Variants in TBX15 observed in about 807,000 individuals in gnomAD.
The protein encoded by TBX15 is T-box transcription factor 15, also known as T-box transcription factor TBX15.
A neutral mutation model predicts 53.9 loss-of-function variants in TBX15; 18 were observed. The ratio of observed to expected loss-of-function variants is 0.33; its 90% confidence interval spans 0.23 to 0.49. The LOEUF (loss-of-function observed/expected upper bound fraction) is 0.49, where lower values mean the gene tolerates loss of function less well. Among genes scored for constraint, TBX15 ranks in the 20% least tolerant of loss-of-function variants. The probability of loss-of-function intolerance (pLI) is 0.98; values close to 1 mark genes in which losing one functional copy is unlikely to be tolerated. For missense variants in TBX15, 692 were observed against 749.5 expected (o/e 0.92, Z 0.90); for synonymous variants, 295 against 278.0 (o/e 1.06, Z -0.61).
intron 1 of TBX15, among the ~76,000 whole-genome samples, chr1:118,971,603 A>T (rs1657237793): frequency 6.6e-6 from 1 of 152,262 alleles, no homozygotes; most frequent in South Asian, 2.1e-4. Context: ...GTTGGATGTC[A>T]TAAGAAAGGT....
intron 5 of TBX15, among the ~76,000 whole-genome samples, chr1:118,917,412 C>T (rs1464791660): frequency 1.3e-5 from 2 of 152,056 alleles, no homozygotes; most frequent in Non-Finnish European, 2.9e-5. Flanking sequence ...ACACTGAGGC[C>T]TGTCAGGGAG....
At chr1:118,930,936 T>C (rs937813594) in intron 2 of TBX15, among the ~76,000 whole-genome samples, 6 of 152,320 alleles carry the variant, frequency 3.9e-5, no homozygotes, top group East Asian at 3.9e-4. Flanking sequence ...TCCAACCTCA[T>C]AGGGTTCCTG....
chr1:118,961,639 G>A (rs1656876134), intron 1 of TBX15, among the ~76,000 whole-genome samples: 1 of 152,118 alleles, frequency 6.6e-6, no homozygotes. Context: ...GAATCCTGAG[G>A]CCTAGGGAAG....
At chr1:118,964,908 C>G (rs1295157555) in intron 1 of TBX15, among the ~76,000 whole-genome samples, 1 of 152,232 alleles carries the variant, frequency 6.6e-6, no homozygotes, top group Non-Finnish European at 1.5e-5. Context: ...CCTCTCACCC[C>G]CAACTGCAAG....
chr1:118,987,582 C>A lies in TBX15; in HGVS notation c.205+9G>T. ...GCCCGCCTCCCGCGGTCGGCTGCGA[C>A]GCACTCACCCGGGTGAGGCTCCAGG... On this transcript the variant is annotated intron_variant, in intron 1 of 7. Coordinates refer to ENST00000369429, the MANE Select transcript of TBX15 (RefSeq NM_001330677.2). The A allele has an allele frequency of 1.3e-6, 2 of 1,542,574 alleles. No individual in the cohort carries two copies. Among genetic ancestry groups the A allele is most frequent in the South Asian group, 2.4e-5 (2 of 83,868 alleles).
At position 118,892,163 on chromosome 1, in the gene TBX15, T is replaced by A. The variant is rs577246547; in HGVS notation, c.1025-6647A>T. ...TAGACATCTAGCTCTGTAAAAAAAA[T>A]ATCTAATAAGATAGTGACTTTACTT... On this transcript the variant is annotated intron_variant, in intron 7 of 7. Coordinates refer to ENST00000369429, the MANE Select transcript of TBX15 (RefSeq NM_001330677.2). Among the ~76,000 whole-genome samples the A allele has an allele frequency of 4.3e-3, 649 of 151,004 alleles. 4 individuals carry two copies. The highest frequency in any genetic ancestry group is 6.5e-3 in the Non-Finnish European group (440 of 67,816).
intron 1 of TBX15, among the ~76,000 whole-genome samples, chr1:118,981,580 C>T (rs1182714080): frequency 6.6e-6 from 1 of 152,204 alleles, no homozygotes; most frequent in East Asian, 1.9e-4. Context: ...GTATCAAAAG[C>T]TCATCATCAG....
chr1:118,906,635 A>C (rs1654839896), intron 6 of TBX15, among the ~76,000 whole-genome samples: 1 of 151,904 alleles, frequency 6.6e-6, no homozygotes, highest in East Asian at 1.9e-4. Context: ...TATTTTCTCC[A>C]CCTCCCCTAG....
chr1:118,920,913 A>T (rs1658599812), intron 5 of TBX15, among the ~76,000 whole-genome samples: 1 of 152,154 alleles, frequency 6.6e-6, no homozygotes, highest in Non-Finnish European at 1.5e-5. Context: ...TAACAATGCT[A>T]CTAATAACCC....
rs375478754 is a variant in TBX15 at position 118,884,895 on chromosome 1, T to C, written c.1646A>G (p.Asn549Ser). 9 of 1,614,026 alleles carry C rather than the reference T, an allele frequency of 5.6e-6. No homozygotes were observed. The highest frequency in any genetic ancestry group is 1.1e-5 in the South Asian group (1 of 91,084). ...QSTLLCSSPS[N>S]GAFGERQYLP... is the part of the protein sequence containing the mutation. ...GTACTGCCTCTCTCCAAAGGCCCCG[T>C]TGGAAGGAGAAGAACAGAGTAAAGT... Residue 549 changes from asparagine to serine, a missense_variant, in exon 8 of 8, where the codon AAC (asparagine) becomes AGC (serine). Around this residue, in one of 3 missense-constraint regions of TBX15, gnomAD observed 375 missense variants for 371.6 expected, o/e 1.01. Coordinates refer to ENST00000369429, the MANE Select transcript of TBX15 (RefSeq NM_001330677.2).
chr1:118,893,561 AGAAG>A (rs1430172090), intron 7 of TBX15, among the ~76,000 whole-genome samples: 8 of 126,932 alleles, frequency 6.3e-5, no homozygotes, highest in African/African-American at 1.3e-4. Context: ...AAGGAAGGAA[AGAAG>A]GAAGGAAGGA....
intron 7 of TBX15, among the ~76,000 whole-genome samples, chr1:118,887,247 G>A (rs1653976820): frequency 6.6e-6 from 1 of 152,164 alleles, no homozygotes; most frequent in South Asian, 2.1e-4. Context: ...ATTCCCCCAA[G>A]GAATGTAATA....
chr1:118,907,872 G>T (rs928831543), intron 6 of TBX15, among the ~76,000 whole-genome samples: 11 of 152,072 alleles, frequency 7.2e-5, no homozygotes, highest in Non-Finnish European at 1.5e-4. Flanking sequence ...CCTGAAGCTC[G>T]CAGGCACTGA....
chr1:118,989,075 A>C (rs112878277), upstream of TBX15, among the ~76,000 whole-genome samples: 54 of 152,234 alleles, frequency 3.5e-4, 4 homozygotes, highest in African/African-American at 1.3e-3. Flanking sequence ...CTCTTTCCCT[A>C]CGGCCCGAAC....
chr1:118,939,407 C>CAAAAAAAAAA (rs869094141), intron 1 of TBX15, among the ~76,000 whole-genome samples: 90 of 8,828 alleles, frequency 0.01, 14 homozygotes, highest in Non-Finnish European at 0.013. Flanking sequence ...GATCTAGTCT[C>CAAAAAAAAAA]AAAAAAAAAA....
chr1:118,935,774 G>A lies in TBX15; in HGVS notation c.206-3942C>T, dbSNP rs549536328. On this transcript the variant is annotated intron_variant, in intron 1 of 7. Transcript: ENST00000369429. ...GAAAGTTGAGTTTAGCTTAAAGTAC[G>A]TTCACTTCTCACTCTAGCAATAATA... 4.1e-4 allele frequency among the ~76,000 whole-genome samples: 62 copies of A among 152,164 alleles called. 1 individual carries two copies. In the South Asian group the frequency reaches 0.012, roughly 29 times the overall value.
intron 6 of TBX15, among the ~76,000 whole-genome samples, chr1:118,907,659 A>T (rs1163948209): frequency 6.6e-6 from 1 of 152,160 alleles, no homozygotes; most frequent in African/African-American, 2.4e-5. Flanking sequence ...TGCACCTCCC[A>T]TAGGTGCTTC....
At chr1:118,905,538 G>T (rs1190548893) in intron 6 of TBX15, among the ~76,000 whole-genome samples, 1 of 152,232 alleles carries the variant, frequency 6.6e-6, no homozygotes, top group African/African-American at 2.4e-5. Context: ...CAGGAGTCCA[G>T]CTGGATCATC....
rs1244046889 is a variant in TBX15 at position 118,898,879 on chromosome 1, G to A, written c.1024+149C>T. On this transcript the variant is annotated intron_variant, in intron 7 of 7. Coordinates refer to ENST00000369429, the MANE Select transcript of TBX15 (RefSeq NM_001330677.2). ...TGTTTACCCAAGTGGTGATGCTTTGGTTATTTACAGAGCTCCTGAGTTCTC... is the reference window on the plus strand; with the variant it reads ...TGTTTACCCAAGTGGTGATGCTTTGATTATTTACAGAGCTCCTGAGTTCTC... 1.0e-5 allele frequency: 8 copies of A among 800,772 alleles called. No individual in the cohort carries two copies. In the Admixed American group the frequency reaches 1.8e-4, roughly 18 times the overall value. The allele number at this position is 800,772 out of a possible 1,614,324, so 49.6% of individuals were successfully genotyped here.
Sources: allele counts gnomAD v4.1 joint callset (sites outside exome capture counted in the v4.1 genomes callset), GRCh38; gene constraint gnomAD v4.1.1; regional missense constraint gnomAD v4.1.1; transcripts MANE v1.5; gene names NCBI Gene and HGNC (gene_info 2026-07-23, HGNC 2026-07-21).